IFNLR1: variants seen among roughly 807,000 people sequenced by gnomAD.
The protein encoded by IFNLR1 is CRF2-12.
IFNLR1 carries 28 observed loss-of-function variants against 52.5 expected under a neutral mutation model. That is an observed-to-expected ratio of 0.53 (90% confidence interval 0.40 to 0.73). IFNLR1 has a LOEUF of 0.73. IFNLR1 is among the 30% of genes least tolerant of loss of function. The probability of loss-of-function intolerance (pLI) is 0.00; values close to 1 mark genes in which losing one functional copy is unlikely to be tolerated. For missense variants in IFNLR1, 623 were observed against 659.1 expected (o/e 0.95, Z 0.60); for synonymous variants, 276 against 274.9 (o/e 1.00, Z -0.04).
chr1:24,187,079 C>T, intron 1 of IFNLR1, 112 bp downstream of exon 1: 1 of 623,576 alleles, frequency 1.6e-6, no homozygotes, highest in South Asian at 3.1e-5. Context: ...TCGCACCCGG[C>T]TCGGGTGGCT....
At position 24,157,903 on chromosome 1, in the gene IFNLR1, A is replaced by AG; in HGVS notation, c.802-13dup. 1 of 1,539,722 alleles carries AG rather than the reference A, an allele frequency of 6.5e-7. No homozygotes were observed. Among genetic ancestry groups the AG allele is most frequent in the Non-Finnish European group, 8.7e-7 (1 of 1,146,928 alleles). ...TGTCCAGAAAAGTCCTGATTTGGGT[A>AG]GGGGAGAGAAAAGCAGAAAATTTAG... On this transcript the variant is annotated splice_polypyrimidine_tract_variant and intron_variant, in intron 6 of 6. Coordinates refer to ENST00000327535, the MANE Select transcript of IFNLR1 (RefSeq NM_170743.4). The surrounding 1 kb of genome is among the most constrained non-coding windows in gnomAD (Gnocchi z 5.1).
intron 3 of IFNLR1, among the ~76,000 whole-genome samples, chr1:24,169,047 A>G (rs951971656): frequency 1.3e-5 from 2 of 152,044 alleles, no homozygotes; most frequent in African/African-American, 4.8e-5. Context: ...CCTGGCCCAG[A>G]ATTGGTTTTA....
chr1:24,162,760 CT>C (rs1486727611), intron 3 of IFNLR1, among the ~76,000 whole-genome samples: 1 of 34,154 alleles, frequency 2.9e-5, no homozygotes, highest in Non-Finnish European at 5.8e-5. Context: ...TTCTTTCTTT[CT>C]TTCTTTCTTT....
At chr1:24,170,456 G>T (rs1644567860) in intron 2 of IFNLR1, among the ~76,000 whole-genome samples, 1 of 152,124 alleles carries the variant, frequency 6.6e-6, no homozygotes, top group Non-Finnish European at 1.5e-5. Flanking sequence ...CGCCTCCTGG[G>T]TTCAAGTGAT....
Position 24,159,099 on chromosome 1 carries a change from G to C in IFNLR1, c.754C>G (p.Leu252Val), listed in dbSNP as rs747496336. The change falls in exon 6 of 7, where the codon CTC (leucine) becomes GTC (valine). Residue 252 changes from leucine (L) to valine (V), a missense_variant. Transcript: ENST00000327535. ...CGCTGAAACCAGGGGTTCCCCATGA[G>C]GGTCTTCCAGATCACACCCCCTGCG... ...IAAGGVIWKT[L>V]MGNPWFQRAK... is the part of the protein sequence containing the mutation. 1.9e-6 allele frequency: 3 copies of C among 1,614,132 alleles called. No individual in the cohort carries two copies. Among genetic ancestry groups the C allele is most frequent in the African/African-American group, 2.7e-5 (2 of 75,034 alleles).
chr1:24,183,046 T>C (rs1009810618), intron 1 of IFNLR1, among the ~76,000 whole-genome samples: 3 of 152,230 alleles, frequency 2.0e-5, no homozygotes, highest in African/African-American at 7.2e-5. Flanking sequence ...AGCCCAGATA[T>C]TACTGAACGA....
At position 24,169,527 on chromosome 1, in the gene IFNLR1, C is replaced by T; in HGVS notation, c.257G>A (p.Cys86Tyr). ...GTKELLCSMMCLKKQDLYNKF... is the reference protein window; with the variant it reads ...GTKELLCSMMYLKKQDLYNKF... ...GTTGTACAGGTCCTGTTTCTTCAGG[C>T]ACATCATAGAACATAGCAGCTCCTT... Residue 86 changes from cysteine (C) to tyrosine (Y), a missense_variant, in exon 3 of 7, where the codon TGC (cysteine) becomes TAC (tyrosine). Coordinates refer to ENST00000327535, the MANE Select transcript of IFNLR1 (RefSeq NM_170743.4). 1 of 1,614,188 alleles carries T rather than the reference C, an allele frequency of 6.2e-7. No individual in the cohort carries two copies. The highest frequency in any genetic ancestry group is 1.1e-5 in the South Asian group (1 of 91,084).
At position 24,159,633 on chromosome 1, in the gene IFNLR1, T is replaced by A. The variant is rs1047680983; in HGVS notation, c.511A>T (p.Thr171Ser). 1 of 1,613,368 alleles carries A rather than the reference T, an allele frequency of 6.2e-7. No homozygotes were observed. Among genetic ancestry groups the A allele is most frequent in the Non-Finnish European group, 8.5e-7 (1 of 1,179,836 alleles). ...AFWKEGAGNKTLFPVTPHGQP... is the reference protein window; with the variant it reads ...AFWKEGAGNKSLFPVTPHGQP... ...CCATGGGGAGTGACTGGAAATAGGG[T>A]CTGTTTGGAAAAGAAGCAGAGAGTG... Residue 171 changes from threonine to serine, a missense_variant and splice_region_variant, in exon 5 of 7, where the codon ACC becomes TCC. Physicochemically the swap from Thr to Ser is moderately conservative, Grantham distance 58. Transcript: ENST00000327535.
intron 3 of IFNLR1, 51 bp from the exon 4 acceptor site, chr1:24,161,735 TC>T: frequency 6.9e-7 from 1 of 1,443,736 alleles, no homozygotes. Flanking sequence ...CCGCACTGCC[TC>T]CATCCCCCAA....
In IFNLR1 at chr1:24,157,340, C is replaced by G. The variant is rs1345586524; in HGVS notation, c.1353G>C (p.Trp451Cys). 3 of 1,614,168 alleles carry G rather than the reference C, an allele frequency of 1.9e-6. No individual in the cohort carries two copies. The highest frequency in any genetic ancestry group is 2.5e-6 in the Non-Finnish European group (3 of 1,180,020). ...PEDNLSSWAT[W>C]GTLPPEPNLV... ...GATTCGGCTCCGGTGGTAAGGTGCCCCAGGTGGCCCAGGAGGAGAGGTTAT... is the reference window on the plus strand; with the variant it reads ...GATTCGGCTCCGGTGGTAAGGTGCCGCAGGTGGCCCAGGAGGAGAGGTTAT... The change falls in exon 7 of 7, where the codon TGG (tryptophan) becomes TGC (cysteine). Residue 451 changes from tryptophan to cysteine, a missense_variant. Coordinates refer to ENST00000327535, the MANE Select transcript of IFNLR1 (RefSeq NM_170743.4). The surrounding 1 kb of genome is among the most constrained non-coding windows in gnomAD (Gnocchi z 5.1).
intron 3 of IFNLR1, among the ~76,000 whole-genome samples, chr1:24,165,010 G>A (rs150953303): frequency 0.033 from 5,079 of 152,104 alleles, 247 homozygotes; most frequent in African/African-American, 0.11. Flanking sequence ...TGATCTGCTC[G>A]CCTCGGACTC....
chr1:24,161,271 G>A (rs995017563), intron 4 of IFNLR1: 8 of 577,408 alleles, frequency 1.4e-5, no homozygotes, highest in African/African-American at 7.5e-5. Context: ...AGTGATGTGT[G>A]GTCATCTCTG....
intron 4 of IFNLR1, among the ~76,000 whole-genome samples, chr1:24,160,873 A>G (rs1644435177): frequency 6.7e-6 from 1 of 149,800 alleles, no homozygotes; most frequent in Non-Finnish European, 1.5e-5. Context: ...GACCACAAGC[A>G]TGCATCACCA....
At chr1:24,180,950 G>A in intron 1 of IFNLR1, 96 bp from the exon 2 acceptor site, 1 of 1,294,758 alleles carries the variant, frequency 7.7e-7, no homozygotes, top group Non-Finnish European at 1.1e-6. Context: ...GCAAGCAGGT[G>A]CTCACTGAGT....
rs757931958 is a variant in IFNLR1, at chr1:24,169,546, G to T, written c.238C>A (p.Leu80Met). The change falls in exon 3 of 7, where the codon CTG (leucine) becomes ATG (methionine). Residue 80 changes from leucine (L) to methionine (M), a missense_variant. Leu to Met is a conservative substitution (Grantham distance 15, BLOSUM62 2). Coordinates refer to ENST00000327535, the MANE Select transcript of IFNLR1 (RefSeq NM_170743.4). ...EVEECAGTKE[L>M]LCSMMCLKKQ... Reference sequence around the variant, plus strand: ...TTCAGGCACATCATAGAACATAGCAGCTCCTTGGTTCCCGCACACTCTTCC... The same window carrying T: ...TTCAGGCACATCATAGAACATAGCATCTCCTTGGTTCCCGCACACTCTTCC... 6.2e-7 allele frequency: 1 copy of T among 1,614,214 alleles called. No homozygotes were observed. Among genetic ancestry groups the T allele is most frequent in the Admixed American group, 1.7e-5 (1 of 60,032 alleles).
At chr1:24,158,865 T>C in intron 6 of IFNLR1, 187 bp downstream of exon 6, 1 of 673,912 alleles carries the variant, frequency 1.5e-6, no homozygotes, top group Non-Finnish European at 2.6e-6. Context: ...CTCCAGGGCC[T>C]GTTTGCCATT....
intron 3 of IFNLR1, among the ~76,000 whole-genome samples, chr1:24,167,224 C>G (rs10903040): frequency 1 from 151,850 of 152,328 alleles, 75,687 homozygotes; most frequent in South Asian, 1. Flanking sequence ...CTGTGGCCTC[C>G]GACTGGGGGT....
intron 1 of IFNLR1, among the ~76,000 whole-genome samples, chr1:24,185,821 A>G (rs575657956): frequency 7.6e-4 from 116 of 152,326 alleles, no homozygotes; most frequent in Non-Finnish European, 1.4e-3. Flanking sequence ...GATGCCAGGC[A>G]CTAGTTTGGC....
At chr1:24,177,828 G>A (rs2148600891) in intron 2 of IFNLR1, among the ~76,000 whole-genome samples, 1 of 152,268 alleles carries the variant, frequency 6.6e-6, no homozygotes, top group South Asian at 2.1e-4. Context: ...GAGTAATTAT[G>A]GGTCATTCTA....
Sources: gnomAD v4.1 joint callset for allele counts (sites outside exome capture counted in the v4.1 genomes callset) on GRCh38, gnomAD v4.1.1 for gene constraint, Gnocchi (gnomAD v3.1) non-coding constraint, MANE v1.5 for transcripts, NCBI Gene and HGNC (gene_info 2026-07-23, HGNC 2026-07-21) for gene names.